Variants in CAMKMT observed in about 807,000 individuals in gnomAD.
The protein encoded by CAMKMT is CaM KMT.
In CAMKMT, 53 loss-of-function variants were observed where a neutral mutation model predicts 48.0. The ratio of observed to expected loss-of-function variants is 1.10; its 90% confidence interval spans 0.89 to 1.39. The LOEUF (loss-of-function observed/expected upper bound fraction) is 1.39. Among genes scored for constraint, CAMKMT ranks in the 40% most tolerant of loss-of-function variants. The pLI, the probability that CAMKMT is intolerant of heterozygous loss-of-function variation, is 0.00. For missense variants in CAMKMT, 428 were observed against 402.7 expected (o/e 1.06, Z -0.54); for synonymous variants, 165 against 152.3 (o/e 1.08, Z -0.61).
intron 3 of CAMKMT, among the ~76,000 whole-genome samples, chr2:44,512,581 A>G (rs1231447500): frequency 1.3e-5 from 2 of 152,150 alleles, no homozygotes; most frequent in African/African-American, 2.4e-5. Context: ...AGAGTCTCCT[A>G]CTTTTTTTGT....
chr2:44,509,044 C>T (rs980724135), intron 3 of CAMKMT, among the ~76,000 whole-genome samples: 7 of 149,734 alleles, frequency 4.7e-5, no homozygotes, highest in Admixed American at 1.3e-4. Context: ...TGCAGTGAGC[C>T]GAGATCATGC....
chr2:44,754,761 G>T (rs1680295716), intron 9 of CAMKMT, among the ~76,000 whole-genome samples: 1 of 151,804 alleles, frequency 6.6e-6, no homozygotes, highest in South Asian at 2.1e-4. Flanking sequence ...TTGTTGGACT[G>T]TTAAACTAAG....
intron 10 of CAMKMT, among the ~76,000 whole-genome samples, chr2:44,769,587 A>G (rs1048141352): frequency 1.3e-5 from 2 of 152,192 alleles, no homozygotes; most frequent in African/African-American, 2.4e-5. Context: ...GCTTGATGCT[A>G]GTTGGTAAAA....
intron 3 of CAMKMT, chr2:44,631,540 G>T: frequency 1.6e-6 from 1 of 611,970 alleles, no homozygotes. Context: ...CTGGACTCAA[G>T]CAATCCTTCT....
chr2:44,439,293 T>C (rs1666487566), intron 3 of CAMKMT, among the ~76,000 whole-genome samples: 1 of 152,202 alleles, frequency 6.6e-6, no homozygotes, highest in South Asian at 2.1e-4. Flanking sequence ...GACTTTATCC[T>C]ACAATTAATC....
rs754059683 is a variant in CAMKMT, at chr2:44,450,478, C to T, written c.376+60173C>T. On this transcript the variant is annotated intron_variant, in intron 3 of 10. Transcript: ENST00000378494. Reference sequence around the variant, plus strand: ...AACATTGTTGGTTCATCAACAAATACAAACCTTAAAAGGGGTTATGAAGCA... The same window carrying T: ...AACATTGTTGGTTCATCAACAAATATAAACCTTAAAAGGGGTTATGAAGCA... 1.2e-4 allele frequency among the ~76,000 whole-genome samples: 19 copies of T among 152,200 alleles called. No homozygotes were observed. In the South Asian group the frequency reaches 2.1e-3, roughly 17 times the overall value.
At chr2:44,736,277 C>T (rs1165853439) in intron 7 of CAMKMT, among the ~76,000 whole-genome samples, 1 of 152,186 alleles carries the variant, frequency 6.6e-6, no homozygotes, top group Non-Finnish European at 1.5e-5. Flanking sequence ...TATATTTTCA[C>T]TGGCTATACA....
intron 3 of CAMKMT, among the ~76,000 whole-genome samples, chr2:44,432,629 A>G (rs1421758870): frequency 6.6e-6 from 1 of 152,210 alleles, no homozygotes; most frequent in East Asian, 1.9e-4. Flanking sequence ...GAATTGATGC[A>G]TATTATTTTA....
intron 3 of CAMKMT, among the ~76,000 whole-genome samples, chr2:44,447,547 A>T (rs766644112): frequency 6.6e-6 from 1 of 152,178 alleles, no homozygotes; most frequent in African/African-American, 2.4e-5. Context: ...TTCATGTTGC[A>T]TGTTTATCTT....
At chr2:44,614,030 A>G (rs547502225) in intron 3 of CAMKMT, among the ~76,000 whole-genome samples, 3 of 152,246 alleles carry the variant, frequency 2.0e-5, no homozygotes, top group Non-Finnish European at 4.4e-5. Context: ...ATACAAATGT[A>G]GAAGGGGCTA....
At chr2:44,676,411 T>C (rs574790479) in intron 3 of CAMKMT, among the ~76,000 whole-genome samples, 3 of 152,358 alleles carry the variant, frequency 2.0e-5, no homozygotes, top group African/African-American at 4.8e-5. Context: ...CGTTATCATC[T>C]GATCCTCAAA....
At chr2:44,391,073 T>C (rs1486932446) in intron 3 of CAMKMT, among the ~76,000 whole-genome samples, 1 of 152,302 alleles carries the variant, frequency 6.6e-6, no homozygotes, top group Non-Finnish European at 1.5e-5. Flanking sequence ...AAAATAGTAC[T>C]CATACTCTTT....
chr2:44,608,630 G>A (rs960810950), intron 3 of CAMKMT, among the ~76,000 whole-genome samples: 2 of 152,028 alleles, frequency 1.3e-5, no homozygotes, highest in African/African-American at 2.4e-5. Context: ...AAAGAGTTAA[G>A]TTTTCCTCCC....
intron 3 of CAMKMT, among the ~76,000 whole-genome samples, chr2:44,565,965 C>T (rs893717107): frequency 4.6e-5 from 7 of 152,216 alleles, no homozygotes; most frequent in African/African-American, 1.4e-4. Flanking sequence ...ACCGCACATG[C>T]ATGTGTACGT....
intron 3 of CAMKMT, among the ~76,000 whole-genome samples, chr2:44,547,369 GT>G (rs1165535956): frequency 6.6e-6 from 1 of 152,128 alleles, no homozygotes; most frequent in Non-Finnish European, 1.5e-5. Flanking sequence ...TCTAAAAAAT[GT>G]TAGATGATGC....
intron 3 of CAMKMT, among the ~76,000 whole-genome samples, chr2:44,572,056 A>C (rs1456231037): frequency 6.6e-6 from 1 of 152,148 alleles, no homozygotes; most frequent in Non-Finnish European, 1.5e-5. Flanking sequence ...AAGTATATTT[A>C]TGTTGTTGTG....
At chr2:44,525,874 A>G (rs1163431532) in intron 3 of CAMKMT, among the ~76,000 whole-genome samples, 1 of 151,648 alleles carries the variant, frequency 6.6e-6, no homozygotes, top group African/African-American at 2.4e-5. Context: ...TATTATTATT[A>G]TACTTTAAGT....
chr2:44,753,349 C>T (rs1345834232), intron 8 of CAMKMT, among the ~76,000 whole-genome samples: 1 of 150,132 alleles, frequency 6.7e-6, no homozygotes, highest in Non-Finnish European at 1.5e-5. Context: ...ATTGCTTGAG[C>T]CCTGGCATTT....
chr2:44,657,393 T>A lies in CAMKMT; in HGVS notation c.377-46890T>A, dbSNP rs1379260076. On this transcript the variant is annotated intron_variant, in intron 3 of 10. Coordinates refer to ENST00000378494, the MANE Select transcript of CAMKMT (RefSeq NM_024766.5). This position sits in a 1 kb window ranked among gnomAD's most constrained non-coding sequence, Gnocchi z 4.3. ...AAAGTCTTAGCATTGAGGATCCCCA[T>A]GAATATTGTGAACCTGAAGTTCAGA... is the stretch of plus-strand genomic sequence containing the variant. Among the ~76,000 whole-genome samples the A allele has an allele frequency of 6.6e-6, 1 of 152,186 alleles. No homozygotes were observed. Among genetic ancestry groups the A allele is most frequent in the African/African-American group, 2.4e-5 (1 of 41,448 alleles).
Sources: gnomAD v4.1 joint callset for allele counts (sites outside exome capture counted in the v4.1 genomes callset) on GRCh38, gnomAD v4.1.1 for gene constraint, Gnocchi (gnomAD v3.1) non-coding constraint, MANE v1.5 for transcripts, NCBI Gene and HGNC (gene_info 2026-07-23, HGNC 2026-07-21) for gene names.